CCSER1: variants seen among roughly 807,000 people sequenced by gnomAD.
CCSER1 encodes serine-rich coiled-coil domain-containing protein 1.
In CCSER1, 41 loss-of-function variants were observed where a neutral mutation model predicts 82.0. The ratio of observed to expected loss-of-function variants is 0.50; its 90% CI spans 0.39 to 0.65. CCSER1 has a LOEUF of 0.65. CCSER1 is among the 30% of genes least tolerant of loss of function. The pLI is 0.00. For missense variants in CCSER1, 1,119 were observed against 1,064.2 expected (o/e 1.05, Z -0.72); for synonymous variants, 414 against 383.9 (o/e 1.08, Z -0.92).
At chr4:91,129,205 A>G (rs1191007535) in intron 10 of CCSER1, among the ~76,000 whole-genome samples, 1 of 152,076 alleles carries the variant, frequency 6.6e-6, no homozygotes, top group Admixed American at 6.6e-5. Flanking sequence ...TGTCTGTGTT[A>G]GTTTGCTGAG....
intron 10 of CCSER1, among the ~76,000 whole-genome samples, chr4:91,145,626 G>A (rs577077023): frequency 1.1e-4 from 16 of 152,186 alleles, no homozygotes; most frequent in African/African-American, 1.7e-4. Flanking sequence ...TCTCTTCGGC[G>A]TCACTGTAAT....
At chr4:90,787,408 A>G (rs534794445) in intron 7 of CCSER1, among the ~76,000 whole-genome samples, 2 of 152,344 alleles carry the variant, frequency 1.3e-5, no homozygotes, top group East Asian at 3.9e-4. Flanking sequence ...TCATAACACT[A>G]CAACTTTGTG....
chr4:90,792,793 G>A (rs1293122268), intron 7 of CCSER1, among the ~76,000 whole-genome samples: 2 of 152,218 alleles, frequency 1.3e-5, no homozygotes, highest in African/African-American at 2.4e-5. Flanking sequence ...TAGTTGAACA[G>A]ATTTCCTGTG....
At chr4:90,206,592 C>T (rs1003891878) in intron 1 of CCSER1, among the ~76,000 whole-genome samples, 1 of 151,960 alleles carries the variant, frequency 6.6e-6, no homozygotes, top group Non-Finnish European at 1.5e-5. Context: ...TTTGCATTTG[C>T]TGAGGAGTGT....
intron 8 of CCSER1, among the ~76,000 whole-genome samples, chr4:90,828,133 G>C (rs924814720): frequency 7.2e-5 from 11 of 152,112 alleles, no homozygotes; most frequent in Admixed American, 6.6e-5. Context: ...TTTCGGAGGA[G>C]CTGTCTTTAG....
At chr4:91,493,709 A>G (rs1240919920) in intron 10 of CCSER1, among the ~76,000 whole-genome samples, 1 of 151,750 alleles carries the variant, frequency 6.6e-6, no homozygotes. Flanking sequence ...TGATTAATTC[A>G]CTATGAATTA....
intron 6 of CCSER1, among the ~76,000 whole-genome samples, chr4:90,721,409 G>C (rs2149365764): frequency 6.6e-6 from 1 of 151,834 alleles, no homozygotes; most frequent in Admixed American, 6.6e-5. Context: ...ATTCTGTTGA[G>C]ATATTTGCTG....
At chr4:91,382,272 T>G (rs1415551446) in intron 10 of CCSER1, among the ~76,000 whole-genome samples, 1 of 152,214 alleles carries the variant, frequency 6.6e-6, no homozygotes, top group African/African-American at 2.4e-5. Flanking sequence ...AGGTTTCTGC[T>G]GCCTTTTGTT....
chr4:90,686,753 A>G (rs530442448), intron 6 of CCSER1, among the ~76,000 whole-genome samples: 7 of 152,252 alleles, frequency 4.6e-5, no homozygotes, highest in Admixed American at 4.6e-4. Flanking sequence ...ACCACACACG[A>G]AAAAGGGTAA....
At chr4:91,090,727 A>T (rs1007539633) in intron 10 of CCSER1, among the ~76,000 whole-genome samples, 1 of 152,204 alleles carries the variant, frequency 6.6e-6, no homozygotes, top group South Asian at 2.1e-4. Context: ...TGCTCGGCTA[A>T]TTGCAAAAAC....
chr4:91,212,456 T>C (rs1228450629), intron 10 of CCSER1, among the ~76,000 whole-genome samples: 1 of 152,042 alleles, frequency 6.6e-6, no homozygotes, highest in African/African-American at 2.4e-5. Context: ...ATGTCTGATA[T>C]AATTTTCTGG....
intron 10 of CCSER1, among the ~76,000 whole-genome samples, chr4:91,101,784 C>A (rs1283309367): frequency 6.6e-6 from 1 of 152,136 alleles, no homozygotes; most frequent in Non-Finnish European, 1.5e-5. Flanking sequence ...CTTCTGAACT[C>A]CTGAGTCTTT....
Position 91,432,176 on chromosome 4 carries a change from A to C in CCSER1, c.2218-166396A>C, listed in dbSNP as rs140887680. On this transcript the variant is annotated intron_variant, in intron 10 of 10. Coordinates refer to ENST00000509176, the MANE Select transcript of CCSER1 (RefSeq NM_001145065.2). Reference sequence around the variant, plus strand: ...TGCTTCTTCTTTGCCTTCCTCTGTGATTGTAAGTTTCCTGAGGCCTCCCTA... The same window carrying C: ...TGCTTCTTCTTTGCCTTCCTCTGTGCTTGTAAGTTTCCTGAGGCCTCCCTA... 5.4e-3 allele frequency among the ~76,000 whole-genome samples: 828 copies of C among 152,176 alleles called. 5 individuals carry two copies. The highest frequency in any genetic ancestry group is 0.019 in the African/African-American group (800 of 41,488).
chr4:90,946,610 G>C (rs950790459), intron 9 of CCSER1, among the ~76,000 whole-genome samples: 8 of 135,096 alleles, frequency 5.9e-5, no homozygotes, highest in African/African-American at 2.3e-4. Flanking sequence ...CAGCCTGGAG[G>C]CAAGACTGCA....
chr4:90,523,811 A>G (rs1055745942), intron 5 of CCSER1, among the ~76,000 whole-genome samples: 1 of 152,176 alleles, frequency 6.6e-6, no homozygotes, highest in African/African-American at 2.4e-5. Flanking sequence ...TTGAGAAGAA[A>G]GGCATATCTG....
At chr4:90,886,448 T>A (rs1365544723) in intron 8 of CCSER1, among the ~76,000 whole-genome samples, 1 of 152,188 alleles carries the variant, frequency 6.6e-6, no homozygotes, top group Admixed American at 6.5e-5. Context: ...TTTCAGTGAA[T>A]TTTAAACACC....
At chr4:90,857,443 A>C (rs1764582945) in intron 8 of CCSER1, among the ~76,000 whole-genome samples, 1 of 152,124 alleles carries the variant, frequency 6.6e-6, no homozygotes, top group East Asian at 1.9e-4. Context: ...AGAGAATGAG[A>C]GCAGGACAGA....
intron 7 of CCSER1, among the ~76,000 whole-genome samples, chr4:90,757,990 G>A (rs1471191612): frequency 6.7e-6 from 1 of 148,752 alleles, no homozygotes; most frequent in East Asian, 2.0e-4. Context: ...CCAGGCTGGA[G>A]TGCAATGGTG....
At chr4:91,172,405 T>G (rs1191962030) in intron 10 of CCSER1, among the ~76,000 whole-genome samples, 1 of 152,152 alleles carries the variant, frequency 6.6e-6, no homozygotes, top group African/African-American at 2.4e-5. Flanking sequence ...GGCAACAACA[T>G]GAGTGAAGGC....
Sources: allele counts gnomAD v4.1 joint callset (sites outside exome capture counted in the v4.1 genomes callset), GRCh38; gene constraint gnomAD v4.1.1; transcripts MANE v1.5; gene names NCBI Gene and HGNC (gene_info 2026-07-23, HGNC 2026-07-21).